COBL: variants seen among roughly 807,000 people sequenced by gnomAD.
The protein encoded by COBL is protein cordon-bleu.
In COBL, 51 loss-of-function variants were observed where a neutral mutation model predicts 98.8. That is an observed-to-expected ratio of 0.52 (90% CI 0.41 to 0.65). The LOEUF (loss-of-function observed/expected upper bound fraction) is 0.65, where lower values mean the gene tolerates loss of function less well. Among genes scored for constraint, COBL ranks in the 30% least tolerant of loss-of-function variants. The pLI, the probability that COBL is intolerant of heterozygous loss-of-function variation, is 0.00. For missense variants in COBL, 1,617 were observed against 1,617.5 expected (o/e 1.00, Z 0.01); for synonymous variants, 634 against 651.7 (o/e 0.97, Z 0.41).
chr7:51,050,383 T>C (rs1460041983), intron 7 of COBL, among the ~76,000 whole-genome samples: 2 of 152,244 alleles, frequency 1.3e-5, no homozygotes, highest in Non-Finnish European at 2.9e-5. Flanking sequence ...ACTGCTGTTC[T>C]TTTAAAAACA....
rs1053990557 is a variant in COBL at position 51,143,226 on chromosome 7, G to A, written c.784-6895C>T. 1.2e-3 allele frequency among the ~76,000 whole-genome samples: 184 copies of A among 152,250 alleles called. 1 individual carries two copies. Among genetic ancestry groups the A allele is most frequent in the African/African-American group, 4.2e-3 (176 of 41,540 alleles). ...TGCATGCGTGTGTGTGTGTCTGTGT[G>A]ACTGCTTGCGGTCAGATGCGAGATT... On this transcript the variant is annotated intron_variant, in intron 5 of 12. Coordinates refer to ENST00000265136, the MANE Select transcript of COBL (RefSeq NM_015198.5).
At chr7:51,235,547 G>T (rs1014934674) in intron 1 of COBL, among the ~76,000 whole-genome samples, 25 of 152,160 alleles carry the variant, frequency 1.6e-4, no homozygotes, top group African/African-American at 6.0e-4. Flanking sequence ...GCAAGTGCGT[G>T]ATTTCCAGAG....
chr7:51,027,673 C>T, intron 10 of COBL, 39 bp downstream of exon 10: 1 of 1,521,140 alleles, frequency 6.6e-7, no homozygotes, highest in African/African-American at 1.4e-5. Flanking sequence ...CTGAAGTGGG[C>T]AGGTGTGGAA....
At chr7:51,043,289 G>T in intron 8 of COBL, 94 bp downstream of exon 8, 1 of 1,261,380 alleles carries the variant, frequency 7.9e-7, no homozygotes, top group Non-Finnish European at 1.1e-6. Context: ...AGCAGGTTGT[G>T]ATAGCACGTG....
chr7:51,206,153 A>T (rs1791678979), intron 2 of COBL, among the ~76,000 whole-genome samples: 1 of 152,210 alleles, frequency 6.6e-6, no homozygotes, highest in Non-Finnish European at 1.5e-5. Context: ...AATTAAAAAT[A>T]GAATTACCAT....
chr7:51,190,536 G>A (rs1263048926), intron 4 of COBL, among the ~76,000 whole-genome samples: 1 of 152,178 alleles, frequency 6.6e-6, no homozygotes, highest in Non-Finnish European at 1.5e-5. Context: ...AGATGGTTTG[G>A]AGTAGTTACT....
chr7:51,029,558 G>C lies in COBL; in HGVS notation c.1538C>G (p.Ser513Cys). The C allele has an allele frequency of 5.6e-6, 9 of 1,605,892 alleles. No homozygotes were observed. The highest frequency in any genetic ancestry group is 7.7e-6 in the Non-Finnish European group (9 of 1,173,750). The change falls in exon 10 of 13, where the codon TCC becomes TGC. Residue 513 changes from serine to cysteine, a missense_variant. Ser to Cys is a moderately radical substitution (Grantham distance 112). Coordinates refer to ENST00000265136, the MANE Select transcript of COBL (RefSeq NM_015198.5). The stretch of plus-strand genomic sequence containing the variant: ...TGCACCATGGATGGAGCTGGTGAGG[G>C]AGCTGGTGTCTGTTTCATAGCTGTC... ...MEDSYETDTS[S>C]LTSSIHGASN...
Position 51,309,639 on chromosome 7 carries a change from T to C in COBL, c.41+6954A>G, listed in dbSNP as rs557324968. Among the ~76,000 whole-genome samples, 4 of 152,328 alleles carry C rather than the reference T, an allele frequency of 2.6e-5. No homozygotes were observed. The South Asian group carries it at 8.3e-4, about 32-fold the overall frequency. On this transcript the variant is annotated intron_variant, in intron 1 of 12. Coordinates refer to ENST00000265136, the MANE Select transcript of COBL (RefSeq NM_015198.5). ...AAACAGTTTTTTTGAAAGAGGACTC[T>C]AGAATATTCTGGGAACACTGAATCA...
intron 4 of COBL, among the ~76,000 whole-genome samples, chr7:51,184,421 A>ACTAAAAGAC (rs1297103802): frequency 6.6e-6 from 1 of 152,206 alleles, no homozygotes; most frequent in Non-Finnish European, 1.5e-5. Flanking sequence ...TTTAGGAATG[A>ACTAAAAGAC]TGGAGGCATT....
chr7:51,047,396 A>T (rs1166208348), intron 7 of COBL, among the ~76,000 whole-genome samples: 2 of 152,214 alleles, frequency 1.3e-5, no homozygotes, highest in African/African-American at 2.4e-5. Context: ...TCAAGTATAA[A>T]GAAGAAAATG....
intron 11 of COBL, among the ~76,000 whole-genome samples, chr7:51,025,710 G>C (rs1787484138): frequency 6.6e-6 from 1 of 152,216 alleles, no homozygotes; most frequent in Admixed American, 6.5e-5. Flanking sequence ...AAGCCACCCA[G>C]TCTGTCAGAT....
At chr7:51,067,299 G>A (rs1465938859) in intron 7 of COBL, among the ~76,000 whole-genome samples, 1 of 152,236 alleles carries the variant, frequency 6.6e-6, no homozygotes, top group Non-Finnish European at 1.5e-5. Flanking sequence ...AGATGTGCAT[G>A]TATGCATGAA....
chr7:51,316,762 G>C lies in COBL; in HGVS notation c.-129C>G. The C allele has an allele frequency of 1.4e-6, 1 of 736,470 alleles. No homozygotes were observed. The highest frequency in any genetic ancestry group is 1.8e-6 in the Non-Finnish European group (1 of 548,368). 45.6% of individuals were successfully genotyped at this position (736,470 alleles called of 1,614,324 possible). On this transcript the variant is annotated 5_prime_UTR_variant, in exon 1 of 13. Coordinates refer to ENST00000265136, the MANE Select transcript of COBL (RefSeq NM_015198.5). ...CATCGTCCTCCCACGCGGGCCGGCG[G>C]AGGACAGCGGCGGAGCGCGGCGGAC...
At chr7:51,103,530 A>T (rs1343897747) in intron 6 of COBL, among the ~76,000 whole-genome samples, 1 of 152,212 alleles carries the variant, frequency 6.6e-6, no homozygotes, top group Non-Finnish European at 1.5e-5. Flanking sequence ...ATACTAAGAA[A>T]GGGACTTGAT....
In COBL at chr7:51,190,935, G is replaced by A. The variant is rs1401027994; in HGVS notation, c.600C>T (p.Asp200=). The part of the protein sequence containing the change: ...VSPEHVVLLR[D]NIAGEELELS... The stretch of plus-strand genomic sequence containing the variant: ...GCTCCAGCTCCTCTCCGGCAATGTT[G>A]TCCCTGAGGAGAACCACGTGCTCTG... Residue 200 remains aspartate, a synonymous_variant, in exon 4 of 13, where the codon GAC becomes GAT. Coordinates refer to ENST00000265136, the MANE Select transcript of COBL (RefSeq NM_015198.5). 1.9e-6 allele frequency: 3 copies of A among 1,614,164 alleles called. No individual in the cohort carries two copies. Among genetic ancestry groups the A allele is most frequent in the Middle Eastern group, 3.3e-4 (2 of 6,062 alleles).
chr7:51,281,028 G>A (rs1311867169), intron 1 of COBL, among the ~76,000 whole-genome samples: 2 of 152,162 alleles, frequency 1.3e-5, no homozygotes, highest in African/African-American at 2.4e-5. Flanking sequence ...AAATGACTAG[G>A]AAATAATACA....
intron 4 of COBL, 80 bp downstream of exon 4, chr7:51,190,770 G>T: frequency 1.7e-6 from 2 of 1,155,472 alleles, no homozygotes; most frequent in Non-Finnish European, 2.5e-6. Flanking sequence ...GAGAGTGCTG[G>T]GGAGAGCCAA....
At chr7:51,289,453 G>A (rs912102230) in intron 1 of COBL, among the ~76,000 whole-genome samples, 2 of 152,176 alleles carry the variant, frequency 1.3e-5, no homozygotes, top group African/African-American at 4.8e-5. Context: ...TCTAAAACAG[G>A]AGCTTATGAT....
chr7:51,098,220 G>GTTTTTTTTTTTTTTTTTTTTTT (rs1276606651), intron 6 of COBL, among the ~76,000 whole-genome samples: 2 of 52,308 alleles, frequency 3.8e-5, no homozygotes, highest in South Asian at 5.4e-4. Context: ...CCCAATAGCA[G>GTTTTTTTTTTTTTTTTTTTTTT]TTTCTTTTTT....
Sources: gnomAD v4.1 joint callset for allele counts (sites outside exome capture counted in the v4.1 genomes callset) on GRCh38, gnomAD v4.1.1 for gene constraint, MANE v1.5 for transcripts, NCBI Gene and HGNC (gene_info 2026-07-23, HGNC 2026-07-21) for gene names.